The following MARCHF1 variants were observed in gnomAD, a reference collection of about 807,000 sequenced individuals.
MARCHF1 encodes membrane associated ring-CH-type finger 1, also known as E3 ubiquitin-protein ligase MARCHF1.
A neutral mutation model predicts 54.2 loss-of-function variants in MARCHF1; 40 were observed. The observed-to-expected ratio is 0.74, with a 90% confidence interval of 0.57 to 0.96. The LOEUF (loss-of-function observed/expected upper bound fraction) is 0.96, where lower values mean the gene tolerates loss of function less well. MARCHF1 is among the 40% of genes least tolerant of loss of function. The pLI is 0.00. For synonymous variants in MARCHF1, 236 were observed against 236.3 expected, an observed-to-expected ratio of 1.00 and a Z score of 0.01; for missense variants, 586 against 656.5, an observed-to-expected ratio of 0.89 and a Z score of 1.17.
At chr4:164,225,867 T>A (rs188066294) in intron 1 of MARCHF1, among the ~76,000 whole-genome samples, 252 of 152,178 alleles carry the variant, frequency 1.7e-3, no homozygotes, top group African/African-American at 5.3e-3. Context: ...TTTTAATGCA[T>A]TTCATAAATG....
chr4:164,075,343 A>G lies in MARCHF1; in HGVS notation c.-248+36245T>C, dbSNP rs115142823. Among the ~76,000 whole-genome samples the G allele has an allele frequency of 7.0e-3, 1,067 of 152,320 alleles. 16 individuals carry two copies. The highest frequency in any genetic ancestry group is 0.024 in the African/African-American group (985 of 41,566). On this transcript the variant is annotated intron_variant, in intron 2 of 9. Coordinates refer to ENST00000514618, the MANE Select transcript of MARCHF1 (RefSeq NM_001394959.1). ...TCACTACGCAGCTTGCTTCAGGCCA[A>G]TGGGATATTAGCAAACATGTTGTAA...
chr4:163,533,795 T>TAA (rs1370454706), intron 9 of MARCHF1, among the ~76,000 whole-genome samples: 5 of 151,460 alleles, frequency 3.3e-5, no homozygotes, highest in Non-Finnish European at 5.9e-5. Flanking sequence ...GATGGGTTTG[T>TAA]GAGCATTTAG....
rs1754166905 is a variant in MARCHF1, at chr4:164,043,255, G to A, written c.-247-54546C>T. Among the ~76,000 whole-genome samples the A allele has an allele frequency of 2.0e-5, 3 of 152,198 alleles. No individual in the cohort carries two copies. The South Asian group carries it at 6.2e-4, about 32-fold the overall frequency. ...TCTCCATGAGGGCTCCATCCCTGCA[G>A]CAGACTTCTGCCTGGACATCCAGGC... On this transcript the variant is annotated intron_variant, in intron 2 of 9. Coordinates refer to ENST00000514618, the MANE Select transcript of MARCHF1 (RefSeq NM_001394959.1).
intron 5 of MARCHF1, among the ~76,000 whole-genome samples, chr4:163,622,075 T>C (rs1247172960): frequency 6.6e-6 from 1 of 152,070 alleles, no homozygotes; most frequent in Admixed American, 6.6e-5. Context: ...TTCTTCTGCC[T>C]TTCTGGGTTG....
chr4:164,256,638 T>C (rs180913228), intron 1 of MARCHF1, among the ~76,000 whole-genome samples: 66 of 152,180 alleles, frequency 4.3e-4, no homozygotes, highest in African/African-American at 1.4e-3. Context: ...CTTTTAAGCA[T>C]CATGGGAGAA....
chr4:164,099,012 A>T (rs1378910844), intron 2 of MARCHF1, among the ~76,000 whole-genome samples: 3 of 152,194 alleles, frequency 2.0e-5, no homozygotes, highest in African/African-American at 7.2e-5. Context: ...ACATATAGTT[A>T]ATGTTGAATT....
intron 9 of MARCHF1, among the ~76,000 whole-genome samples, chr4:163,537,829 C>G (rs1738590632): frequency 6.6e-6 from 1 of 152,190 alleles, no homozygotes; most frequent in South Asian, 2.1e-4. Context: ...GATAAGTTCT[C>G]AGTCTCAATA....
intron 3 of MARCHF1, among the ~76,000 whole-genome samples, chr4:163,957,010 G>A (rs1412847435): frequency 6.6e-6 from 1 of 151,854 alleles, no homozygotes; most frequent in Non-Finnish European, 1.5e-5. Context: ...TCTTCCAAAT[G>A]TAGAGACTCT....
chr4:163,796,419 T>C (rs1436850100), intron 4 of MARCHF1, among the ~76,000 whole-genome samples: 1 of 151,940 alleles, frequency 6.6e-6, no homozygotes, highest in Non-Finnish European at 1.5e-5. Context: ...TTGCAACTTT[T>C]ATAAGTATGT....
At chr4:163,744,838 G>A (rs998730233) in intron 4 of MARCHF1, among the ~76,000 whole-genome samples, 1 of 151,934 alleles carries the variant, frequency 6.6e-6, no homozygotes, top group South Asian at 2.1e-4. Context: ...ATAAAATAGA[G>A]CCAGAAAATA....
intron 4 of MARCHF1, among the ~76,000 whole-genome samples, chr4:163,765,956 G>T (rs1435650633): frequency 6.8e-6 from 1 of 147,710 alleles, no homozygotes; most frequent in African/African-American, 2.5e-5. Flanking sequence ...AATATATAGT[G>T]TTCATGTCCC....
rs141527514 is a variant in MARCHF1, at chr4:163,556,853, G to A, written c.1192-11110C>T. ...GTTTTTGGCACCATACTGACTCAGC[G>A]TTTCTTAAGAATTTTGTCCTAAAAC... is the stretch of plus-strand genomic sequence containing the variant. On this transcript the variant is annotated intron_variant, in intron 8 of 9. Coordinates refer to ENST00000514618, the MANE Select transcript of MARCHF1 (RefSeq NM_001394959.1). Among the ~76,000 whole-genome samples the A allele has an allele frequency of 6.0e-3, 900 of 150,338 alleles. 5 individuals are homozygous for A. The highest frequency in any genetic ancestry group is 0.02 in the African/African-American group (830 of 40,966).
At chr4:163,683,129 T>A (rs956562873) in intron 5 of MARCHF1, among the ~76,000 whole-genome samples, 2 of 152,202 alleles carry the variant, frequency 1.3e-5, no homozygotes, top group African/African-American at 4.8e-5. Context: ...ATTTATGATG[T>A]ATTAGTCTGT....
intron 4 of MARCHF1, among the ~76,000 whole-genome samples, chr4:163,801,850 G>A (rs756387349): frequency 1.3e-5 from 2 of 152,012 alleles, no homozygotes; most frequent in Non-Finnish European, 2.9e-5. Flanking sequence ...GCCTATATAA[G>A]TTCTTTTTCA....
intron 5 of MARCHF1, among the ~76,000 whole-genome samples, chr4:163,615,519 A>G (rs548901646): frequency 8.5e-5 from 13 of 152,228 alleles, no homozygotes; most frequent in African/African-American, 3.1e-4. Flanking sequence ...AAATTTAACT[A>G]AGAAGGTGAA....
At chr4:164,322,775 A>G (rs1735175835) in intron 1 of MARCHF1, among the ~76,000 whole-genome samples, 1 of 152,046 alleles carries the variant, frequency 6.6e-6, no homozygotes. Flanking sequence ...ATAAATGAAG[A>G]CAGAAAGAAT....
rs543303622 is a variant in MARCHF1, at chr4:164,189,806, T to C, written c.-322-78144A>G. The C allele has an allele frequency of 2.7e-5, 43 of 1,584,296 alleles. No homozygotes were observed. The East Asian group carries it at 9.2e-4, about 34-fold the overall frequency. On this transcript the variant is annotated intron_variant, in intron 1 of 9. Coordinates refer to ENST00000514618, the MANE Select transcript of MARCHF1 (RefSeq NM_001394959.1). Reference sequence around the variant, plus strand: ...GACCCCTGACAAAAGACATTCATCTTCTGGGTACATTTGATCTGACTGGAA... The same window carrying C: ...GACCCCTGACAAAAGACATTCATCTCCTGGGTACATTTGATCTGACTGGAA...
chr4:163,938,077 A>G (rs1201749990), intron 3 of MARCHF1, among the ~76,000 whole-genome samples: 5 of 152,162 alleles, frequency 3.3e-5, no homozygotes, highest in African/African-American at 1.2e-4. Context: ...TCAACAGACC[A>G]TTCCACCATC....
chr4:164,269,675 A>C (rs1427403074), intron 1 of MARCHF1, among the ~76,000 whole-genome samples: 3 of 152,076 alleles, frequency 2.0e-5, no homozygotes, highest in African/African-American at 7.2e-5. Flanking sequence ...TTTCTGTAAC[A>C]GTGCAATTAA....
Sources: allele counts gnomAD v4.1 joint callset (sites outside exome capture counted in the v4.1 genomes callset), GRCh38; gene constraint gnomAD v4.1.1; transcripts MANE v1.5; gene names NCBI Gene and HGNC (gene_info 2026-07-23, HGNC 2026-07-21).